Variants in WDR5B observed in about 807,000 individuals in gnomAD.
WDR5B encodes the protein WD repeat domain 5B, also known as WD repeat-containing protein 5B.
In WDR5B, 17 loss-of-function variants were observed where a neutral mutation model predicts 24.0. The ratio of observed to expected loss-of-function variants is 0.71; its 90% CI spans 0.49 to 1.06. WDR5B has a LOEUF of 1.06. Among genes scored for constraint, WDR5B ranks in the 50% least tolerant of loss-of-function variants. WDR5B has a pLI of 0.00. For synonymous variants in WDR5B, 150 were observed against 146.4 expected, an observed-to-expected ratio of 1.02 and a Z score of -0.18; for missense variants, 368 against 384.1, an observed-to-expected ratio of 0.96 and a Z score of 0.35.
rs1008021029 is a variant in WDR5B at position 122,414,505 on chromosome 3, A to G, written c.*31T>C. On this transcript the variant is annotated 3_prime_UTR_variant, in exon 1 of 1. Coordinates refer to ENST00000330689, the MANE Select transcript of WDR5B (RefSeq NM_019069.4). ...TTTAAATATCCAAGTTTTTTGGCCA[A>G]CTTGGCTCTACTACTTGATTTTCAA... is the stretch of plus-strand genomic sequence containing the variant. 2.6e-6 allele frequency: 4 copies of G among 1,558,734 alleles called. No individual in the cohort carries two copies. Among genetic ancestry groups the G allele is most frequent in the Admixed American group, 2.0e-5 (1 of 49,466 alleles).
chr3:122,414,929 C>T lies in WDR5B; in HGVS notation c.600G>A (p.Gln200=). 2 of 1,614,196 alleles carry T rather than the reference C, an allele frequency of 1.2e-6. No homozygotes were observed. Among genetic ancestry groups the T allele is most frequent in the Non-Finnish European group, 1.7e-6 (2 of 1,180,024 alleles). The part of the protein sequence containing the change: ...LCRIWDAASG[Q]CLKTLVDDDN... The stretch of plus-strand genomic sequence containing the variant: ...CGTCATCAACGAGCGTTTTTAAACA[C>T]TGACCTGATGCAGCATCCCAGATTC... Residue 200 remains glutamine (Q), a synonymous_variant, in exon 1 of 1, where the codon CAG becomes CAA. Coordinates refer to ENST00000330689, the MANE Select transcript of WDR5B (RefSeq NM_019069.4).
At position 122,413,066 on chromosome 3, in the gene WDR5B, A is replaced by T. The variant is rs1240756107; in HGVS notation, c.*1470T>A. The T allele has an allele frequency of 6.6e-6, 1 of 152,168 alleles. No individual in the cohort carries two copies. The highest frequency in any genetic ancestry group is 1.5e-5 in the Non-Finnish European group (1 of 68,036). The allele number at this position is 152,168 out of a possible 1,614,324, so 9.4% of individuals were successfully genotyped here. A position where few individuals can be genotyped will look rare whatever the true frequency, so the allele number is the denominator to read the frequency against. Reference sequence around the variant, plus strand: ...TCAATCATCCTGTCCTGTCAACTTTACTTCTAAATATTTCTCAAATACACT... The same window carrying T: ...TCAATCATCCTGTCCTGTCAACTTTTCTTCTAAATATTTCTCAAATACACT... On this transcript the variant is annotated 3_prime_UTR_variant, in exon 1 of 1. Coordinates refer to ENST00000330689, the MANE Select transcript of WDR5B (RefSeq NM_019069.4).
Position 122,415,377 on chromosome 3 carries a change from G to A in WDR5B, c.152C>T (p.Pro51Leu), listed in dbSNP as rs776657825. The A allele has an allele frequency of 3.7e-5, 60 of 1,614,112 alleles. No homozygotes were observed. The highest frequency in any genetic ancestry group is 4.9e-5 in the Non-Finnish European group (58 of 1,180,048). Reference sequence around the variant, plus strand: ...AGAACTTGCTAGCCATTCTCCATTAGGACTAAACTTAACTGATGACACTGC... The same window carrying A: ...AGAACTTGCTAGCCATTCTCCATTAAGACTAAACTTAACTGATGACACTGC... ...TEAVSSVKFS[P>L]NGEWLASSSA... is the part of the protein sequence containing the mutation. Residue 51 changes from proline (P) to leucine (L), a missense_variant, in exon 1 of 1, where the codon CCT becomes CTT. Physicochemically the swap from Pro to Leu is moderately conservative, Grantham distance 98. Coordinates refer to ENST00000330689, the MANE Select transcript of WDR5B (RefSeq NM_019069.4).
Position 122,415,469 on chromosome 3 carries a change from A to C in WDR5B, c.60T>G (p.Asn20Lys). Residue 20 changes from asparagine (N) to lysine (K), a missense_variant, in exon 1 of 1, where the codon AAT becomes AAG. Physicochemically the swap from Asn to Lys is moderately conservative, Grantham distance 94. Transcript: ENST00000330689. ...KAQLALSSSA[N>K]QSKEVPENPN... ...GGTTTTCAGGCACTTCCTTGCTCTG[A>C]TTGGCCGATGAGGAGAGGGCCAACT... The C allele has an allele frequency of 6.2e-7, 1 of 1,614,050 alleles. No homozygotes were observed. Among genetic ancestry groups the C allele is most frequent in the South Asian group, 1.1e-5 (1 of 91,080 alleles).
rs975276454 is a variant in WDR5B at position 122,414,017 on chromosome 3, C to CA, written c.*518dup. ...TACACACCACAGAATACTACTCAGC[C>CA]AAAAAAAAATAATGAAATCTTATCT... On this transcript the variant is annotated 3_prime_UTR_variant, in exon 1 of 1. Coordinates refer to ENST00000330689, the MANE Select transcript of WDR5B (RefSeq NM_019069.4). 2.2e-4 allele frequency: 35 copies of CA among 158,158 alleles called. No individual in the cohort carries two copies. Among genetic ancestry groups the CA allele is most frequent in the South Asian group, 5.2e-4 (3 of 5,784 alleles). The allele number at this position is 158,158 out of a possible 1,614,324, so 9.8% of individuals were successfully genotyped here.
chr3:122,414,983 T>G lies in WDR5B; in HGVS notation c.546A>C (p.Ile182=), dbSNP rs3749213. 412,500 of 1,613,996 alleles carry G rather than the reference T, an allele frequency of 0.26. 54,407 individuals carry two copies. The highest frequency in any genetic ancestry group is 0.27 in the Non-Finnish European group (315,835 of 1,179,994). Reference sequence around the variant, plus strand: ...AGAGGCCATCATAGCTACCTGACACTATCAAGGACCCACTACAATTAAAAT... The same window carrying G: ...AGAGGCCATCATAGCTACCTGACACGATCAAGGACCCACTACAATTAAAAT... ...AVHFNCSGSL[I]VSGSYDGLCR... is the part of the protein sequence containing the mutation. Residue 182 remains isoleucine, a synonymous_variant, in exon 1 of 1, where the codon ATA becomes ATC. Transcript: ENST00000330689.
Position 122,415,515 on chromosome 3 carries a change from T to C in WDR5B, c.14A>G (p.Glu5Gly), listed in dbSNP as rs2075730931. 2 of 1,610,912 alleles carry C rather than the reference T, an allele frequency of 1.2e-6. No homozygotes were observed. The highest frequency in any genetic ancestry group is 2.7e-5 in the African/African-American group (2 of 74,850). Residue 5 changes from glutamate (E) to glycine (G), a missense_variant, in exon 1 of 1, where the codon GAG becomes GGG. Transcript: ENST00000330689. ...CAACTGTGCTTTGGCGTCTCTTGAC[T>C]CCTTGGTTGCCATGGCTCTGAAGCT... MATK[E>G]SRDAKAQLAL...
chr3:122,415,153 T>TA lies in WDR5B; in HGVS notation c.375dup (p.Asn126Ter). The TA allele has an allele frequency of 6.2e-7, 1 of 1,614,200 alleles. No individual in the cohort carries two copies. Among genetic ancestry groups the TA allele is most frequent in the Non-Finnish European group, 8.5e-7 (1 of 1,180,032 alleles). On this transcript the variant is annotated frameshift_variant, in exon 1 of 1. Coordinates refer to ENST00000330689, the MANE Select transcript of WDR5B (RefSeq NM_019069.4). LOFTEE classifies it high-confidence loss of function. ...TTGAAGTTACAACAAAAGACATAAT[T>TA]ACTGTGCCCCTTCAGTGTTTTCAAA... is the stretch of plus-strand genomic sequence containing the variant.
rs1484327228 is a variant in WDR5B at position 122,414,639 on chromosome 3, G to A, written c.890C>T (p.Thr297Ile). ...KEIVQKLQGHTDVVISAACHP... is the reference protein window; with the variant it reads ...KEIVQKLQGHIDVVISAACHP... ...ACAAGCTGCTGAGATCACAACATCTGTATGGCCTTGTAATTTCTGCACAAT... is the reference window on the plus strand; with the variant it reads ...ACAAGCTGCTGAGATCACAACATCTATATGGCCTTGTAATTTCTGCACAAT... Residue 297 changes from threonine (T) to isoleucine (I), a missense_variant, in exon 1 of 1, where the codon ACA (threonine) becomes ATA (isoleucine). Physicochemically the swap from Thr to Ile is moderately conservative, Grantham distance 89. Coordinates refer to ENST00000330689, the MANE Select transcript of WDR5B (RefSeq NM_019069.4). The A allele has an allele frequency of 1.9e-6, 3 of 1,614,172 alleles. No homozygotes were observed. The highest frequency in any genetic ancestry group is 4.5e-5 in the East Asian group (2 of 44,888).
Position 122,415,085 on chromosome 3 carries a change from A to G in WDR5B, c.444T>C (p.Thr148=). The G allele has an allele frequency of 6.2e-7, 1 of 1,614,174 alleles. No homozygotes were observed. The highest frequency in any genetic ancestry group is 8.5e-7 in the Non-Finnish European group (1 of 1,180,026). ...NLIISGSFDE[T]VKIWEVKTGK... is the part of the protein sequence containing the mutation. ...CTGTTTTCACCTCCCATATTTTTAC[A>G]GTCTCATCAAAAGATCCCGAGATTA... The change falls in exon 1 of 1, where the codon ACT becomes ACC. Residue 148 remains threonine, a synonymous_variant. Transcript: ENST00000330689.
At position 122,415,649 on chromosome 3, in the gene WDR5B, T is replaced by A; in HGVS notation, c.-121A>T. ...ACGCACAGGATTTTAAAATGTACAG[T>A]TTTGAAAGCTTAAAGTTTCTGGACA... On this transcript the variant is annotated 5_prime_UTR_variant, in exon 1 of 1. Coordinates refer to ENST00000330689, the MANE Select transcript of WDR5B (RefSeq NM_019069.4). The A allele has an allele frequency of 7.6e-7, 1 of 1,312,008 alleles. No individual in the cohort carries two copies. Among genetic ancestry groups the A allele is most frequent in the Non-Finnish European group, 1.0e-6 (1 of 961,544 alleles). The allele number at this position is 1,312,008 out of a possible 1,614,324, so 81.3% of individuals were successfully genotyped here. A position where few individuals can be genotyped will look rare whatever the true frequency, so the allele number is the denominator to read the frequency against.
chr3:122,414,734 A>G lies in WDR5B; in HGVS notation c.795T>C (p.Thr265=), dbSNP rs1455446816. ...KYCIFANFSV[T]GGKWIVSGSE... is the part of the protein sequence containing the mutation. ...AACCAGACACAATCCACTTTCCACC[A>G]GTAACTGAAAAATTGGCAAATATGC... is the stretch of plus-strand genomic sequence containing the variant. The change falls in exon 1 of 1, where the codon ACT becomes ACC. Residue 265 remains threonine (T), a synonymous_variant. Coordinates refer to ENST00000330689, the MANE Select transcript of WDR5B (RefSeq NM_019069.4). The G allele has an allele frequency of 1.9e-6, 3 of 1,614,088 alleles. No individual in the cohort carries two copies. In the African/African-American group the frequency reaches 4.0e-5, roughly 22 times the overall value.
In WDR5B at chr3:122,415,244, G is replaced by A; in HGVS notation, c.285C>T (p.Ser95=). Residue 95 remains serine, a synonymous_variant, in exon 1 of 1, where the codon TCC becomes TCT. Coordinates refer to ENST00000330689, the MANE Select transcript of WDR5B (RefSeq NM_019069.4). ...EISDVAWSSD[S]SRLVSASDDK... The stretch of plus-strand genomic sequence containing the variant: ...CATCTGAGGCAGAAACAAGACGACT[G>A]GAATCTGATGACCAGGCAACATCCG... The A allele has an allele frequency of 1.9e-6, 3 of 1,614,184 alleles. No homozygotes were observed. Among genetic ancestry groups the A allele is most frequent in the East Asian group, 2.2e-5 (1 of 44,894 alleles).
rs745802462 is a variant in WDR5B, at chr3:122,414,905, G to A, written c.624C>T (p.Asp208=). 2 of 1,614,156 alleles carry A rather than the reference G, an allele frequency of 1.2e-6. No homozygotes were observed. Among genetic ancestry groups the A allele is most frequent in the South Asian group, 2.2e-5 (2 of 91,090 alleles). ...TTACAAAAGAGACAGGAGGGTTATC[G>A]TCATCAACGAGCGTTTTTAAACACT... ...SGQCLKTLVD[D]DNPPVSFVKF... Residue 208 remains aspartate (D), a synonymous_variant, in exon 1 of 1, where the codon GAC becomes GAT. Transcript: ENST00000330689.
rs554775667 is a variant in WDR5B at position 122,413,719 on chromosome 3, G to C, written c.*817C>G. On this transcript the variant is annotated 3_prime_UTR_variant, in exon 1 of 1. Coordinates refer to ENST00000330689, the MANE Select transcript of WDR5B (RefSeq NM_019069.4). Reference sequence around the variant, plus strand: ...ATTTTCCAACTAAAAACTACCATTCGATCCAGCAATCCCACTAGTAGGTAT... The same window carrying C: ...ATTTTCCAACTAAAAACTACCATTCCATCCAGCAATCCCACTAGTAGGTAT... 6.6e-6 allele frequency: 1 copy of C among 152,144 alleles called. No homozygotes were observed. The highest frequency in any genetic ancestry group is 2.4e-5 in the African/African-American group (1 of 41,412). 9.4% of individuals were successfully genotyped at this position (152,144 alleles called of 1,614,324 possible). A position where few individuals can be genotyped will look rare whatever the true frequency, so the allele number is the denominator to read the frequency against.
rs1042870148 is a variant in WDR5B, at chr3:122,415,399, C to A, written c.130G>T (p.Val44Leu). Residue 44 changes from valine to leucine, a missense_variant, in exon 1 of 1, where the codon GTG (valine) becomes TTG (leucine). Coordinates refer to ENST00000330689, the MANE Select transcript of WDR5B (RefSeq NM_019069.4). ...TTAGGACTAAACTTAACTGATGACA[C>A]TGCTTCCGTGTGTCCCACAAGAGTA... ...KCTLVGHTEAVSSVKFSPNGE... is the reference protein window; with the variant it reads ...KCTLVGHTEALSSVKFSPNGE... 4 of 1,614,250 alleles carry A rather than the reference C, an allele frequency of 2.5e-6. No homozygotes were observed. The highest frequency in any genetic ancestry group is 3.4e-6 in the Non-Finnish European group (4 of 1,180,046).
At position 122,414,560 on chromosome 3, in the gene WDR5B, A is replaced by C; in HGVS notation, c.969T>G (p.Ile323Met). 6.2e-7 allele frequency: 1 copy of C among 1,613,520 alleles called. No individual in the cohort carries two copies. Among genetic ancestry groups the C allele is most frequent in the Non-Finnish European group, 8.5e-7 (1 of 1,179,874 alleles). ...ATTAGTGGTTACTCATCCACAGTTTAATTGTTTTGTCATTTTCTAATGCTG... is the reference window on the plus strand; with the variant it reads ...ATTAGTGGTTACTCATCCACAGTTTCATTGTTTTGTCATTTTCTAATGCTG... Reference protein sequence around the residue: ...ASAALENDKTIKLWMSNH With the variant: ...ASAALENDKTMKLWMSNH The change falls in exon 1 of 1, where the codon ATT becomes ATG. Residue 323 changes from isoleucine to methionine, a missense_variant. Physicochemically the swap from Ile to Met is conservative, Grantham distance 10 (BLOSUM62 1). Coordinates refer to ENST00000330689, the MANE Select transcript of WDR5B (RefSeq NM_019069.4).
Position 122,415,852 on chromosome 3 carries a change from A to G in WDR5B, c.-324T>C. 3.9e-6 allele frequency: 1 copy of G among 257,304 alleles called. No individual in the cohort carries two copies. The highest frequency in any genetic ancestry group is 8.0e-6 in the Non-Finnish European group (1 of 125,772). The allele number at this position is 257,304 out of a possible 1,614,324, so 15.9% of individuals were successfully genotyped here. The stretch of plus-strand genomic sequence containing the variant: ...TCAAAGCAGGGGCGACGCGAGGGGC[A>G]CTCTCTACAGAAAGTATTCTTTCAC... On this transcript the variant is annotated 5_prime_UTR_variant, in exon 1 of 1. Coordinates refer to ENST00000330689, the MANE Select transcript of WDR5B (RefSeq NM_019069.4).
chr3:122,414,713 A>G lies in WDR5B; in HGVS notation c.816T>C (p.Ser272=). Residue 272 remains serine, a synonymous_variant, in exon 1 of 1, where the codon TCT becomes TCC. Transcript: ENST00000330689. The stretch of plus-strand genomic sequence containing the variant: ...TGTAAACCAGGTTATCCTCGGAACC[A>G]GACACAATCCACTTTCCACCAGTAA... ...FSVTGGKWIV[S]GSEDNLVYIW... 6.2e-7 allele frequency: 1 copy of G among 1,614,226 alleles called. No homozygotes were observed. Among genetic ancestry groups the G allele is most frequent in the Non-Finnish European group, 8.5e-7 (1 of 1,180,046 alleles).
Sources: allele counts gnomAD v4.1 joint callset, GRCh38; gene constraint gnomAD v4.1.1; transcripts MANE v1.5; gene names NCBI Gene and HGNC (gene_info 2026-07-23, HGNC 2026-07-21).